Variants in ARHGAP15 observed in about 807,000 individuals in gnomAD.
ARHGAP15 encodes Rho GTPase activating protein 15.
In ARHGAP15, 51 loss-of-function variants were observed where a neutral mutation model predicts 63.7. That is an observed-to-expected ratio of 0.80 (90% CI 0.64 to 1.01). The LOEUF (loss-of-function observed/expected upper bound fraction) is 1.01, where lower values mean the gene tolerates loss of function less well. ARHGAP15 is among the 50% of genes least tolerant of loss of function. The pLI is 0.00. For synonymous variants in ARHGAP15, 191 were observed against 193.8 expected (o/e 0.99, Z 0.12); for missense variants, 560 against 564.6 (o/e 0.99, Z 0.08).
At chr2:143,731,182 G>A (rs1685517809) in intron 13 of ARHGAP15, among the ~76,000 whole-genome samples, 1 of 152,112 alleles carries the variant, frequency 6.6e-6, no homozygotes, top group Admixed American at 6.5e-5. Context: ...CACTTTGCAT[G>A]TTCTATAACC....
At chr2:143,764,447 C>T (rs146558098) in intron 13 of ARHGAP15, among the ~76,000 whole-genome samples, 4 of 152,294 alleles carry the variant, frequency 2.6e-5, no homozygotes, top group African/African-American at 9.6e-5. Context: ...GTTCACTCCC[C>T]CACATTTGGC....
At chr2:143,216,540 T>C in intron 4 of ARHGAP15, 95 bp downstream of exon 4, 1 of 872,060 alleles carries the variant, frequency 1.1e-6, no homozygotes, top group Non-Finnish European at 1.9e-6. Context: ...CAAGTCCCTA[T>C]GGTACCAGAC....
intron 8 of ARHGAP15, among the ~76,000 whole-genome samples, chr2:143,457,705 A>AT (rs1282883210): frequency 5.3e-5 from 8 of 151,658 alleles, no homozygotes; most frequent in Non-Finnish European, 1.0e-4. Context: ...TGCAAAAATT[A>AT]TTTTAAAATG....
At chr2:143,751,971 A>G (rs1460420545) in intron 13 of ARHGAP15, among the ~76,000 whole-genome samples, 4 of 152,310 alleles carry the variant, frequency 2.6e-5, no homozygotes, top group Admixed American at 2.6e-4. Context: ...CTTAGAAGAC[A>G]GTGATTTGAT....
At chr2:143,626,753 G>A (rs541349232) in intron 12 of ARHGAP15, among the ~76,000 whole-genome samples, 4 of 152,208 alleles carry the variant, frequency 2.6e-5, no homozygotes, top group East Asian at 1.9e-4. Context: ...GCTACAGAGC[G>A]CTGATTGGTG....
chr2:143,685,269 G>A (rs186039659), intron 12 of ARHGAP15, among the ~76,000 whole-genome samples: 132 of 152,330 alleles, frequency 8.7e-4, no homozygotes, highest in Admixed American at 8.6e-3. Flanking sequence ...GCTCCTCTGA[G>A]TAAGTTGGTT....
chr2:143,541,863 C>A (rs939735346), intron 10 of ARHGAP15, among the ~76,000 whole-genome samples: 4 of 152,242 alleles, frequency 2.6e-5, no homozygotes, highest in African/African-American at 9.6e-5. Flanking sequence ...GTTCTCAGAT[C>A]TCAAGCTGTT....
At chr2:143,131,381 A>C (rs1348019729) in intron 1 of ARHGAP15, among the ~76,000 whole-genome samples, 1 of 152,212 alleles carries the variant, frequency 6.6e-6, no homozygotes, top group South Asian at 2.1e-4. Context: ...AATACGGAAG[A>C]TTTTATTTGG....
intron 12 of ARHGAP15, among the ~76,000 whole-genome samples, chr2:143,644,654 T>C (rs569324431): frequency 6.6e-6 from 1 of 152,234 alleles, no homozygotes; most frequent in South Asian, 2.1e-4. Context: ...ACTGGAACGT[T>C]GAATAGCCAG....
chr2:143,321,980 C>T (rs920443154), intron 6 of ARHGAP15, among the ~76,000 whole-genome samples: 5 of 152,178 alleles, frequency 3.3e-5, no homozygotes, highest in African/African-American at 7.2e-5. Flanking sequence ...TGATAACCTC[C>T]GTAAGTAGAT....
At position 143,169,806 on chromosome 2, in the gene ARHGAP15, C is replaced by T. The variant is rs183081574; in HGVS notation, c.165+14151C>T. Among the ~76,000 whole-genome samples, 88 of 151,066 alleles carry T rather than the reference C, an allele frequency of 5.8e-4. 2 individuals carry two copies. The highest frequency in any genetic ancestry group is 2.5e-3 in the Admixed American group (37 of 15,076). ...AATCAGAACTATCAGTGGCCAGTGT[C>T]GTAGAGGTAGTAATGCTTTTGTTTG... On this transcript the variant is annotated intron_variant, in intron 2 of 13. Coordinates refer to ENST00000295095, the MANE Select transcript of ARHGAP15 (RefSeq NM_018460.4).
intron 2 of ARHGAP15, among the ~76,000 whole-genome samples, chr2:143,168,112 A>T (rs1690621182): frequency 6.6e-6 from 1 of 152,138 alleles, no homozygotes; most frequent in Non-Finnish European, 1.5e-5. Context: ...TACATAGCTA[A>T]ACAGGAATTT....
chr2:143,658,832 G>A (rs904537738), intron 12 of ARHGAP15, among the ~76,000 whole-genome samples: 2 of 152,104 alleles, frequency 1.3e-5, no homozygotes, highest in East Asian at 1.9e-4. Context: ...CTTCTATCAC[G>A]TGCCCATTTC....
intron 2 of ARHGAP15, among the ~76,000 whole-genome samples, chr2:143,201,295 A>T (rs7581335): frequency 0.17 from 25,416 of 150,320 alleles, 2,286 homozygotes; most frequent in Middle Eastern, 0.24. Context: ...TTAAAAAAAA[A>T]TTTTTTTTGT....
chr2:143,342,156 A>ATTATG (rs1685085865), intron 6 of ARHGAP15, among the ~76,000 whole-genome samples: 1 of 152,102 alleles, frequency 6.6e-6, no homozygotes, highest in Non-Finnish European at 1.5e-5. Context: ...ATGATAGAAA[A>ATTATG]TTATGATGAT....
rs35554349 is a variant in ARHGAP15 at position 143,686,383 on chromosome 2, C to CAA, written c.1139-17004_1139-17003dup. On this transcript the variant is annotated intron_variant, in intron 12 of 13. Coordinates refer to ENST00000295095, the MANE Select transcript of ARHGAP15 (RefSeq NM_018460.4). ...TGGGTGACAGAGCGAGACTCTGTCT[C>CAA]AAAAAAAAAAAAAAAAAAAAAAAAA... Among the ~76,000 whole-genome samples, 289 of 55,084 alleles carry CAA rather than the reference C, an allele frequency of 5.2e-3. 14 individuals carry two copies. The highest frequency in any genetic ancestry group is 0.02 in the Middle Eastern group (1 of 50). 36.1% of individuals were successfully genotyped at this position (55,084 alleles called of 152,430 possible).
At chr2:143,307,382 A>G (rs1222178681) in intron 6 of ARHGAP15, among the ~76,000 whole-genome samples, 1 of 152,140 alleles carries the variant, frequency 6.6e-6, no homozygotes, top group African/African-American at 2.4e-5. Context: ...ATAATTTTGG[A>G]TACCATATTA....
chr2:143,703,609 G>A, intron 13 of ARHGAP15, 85 bp downstream of exon 13: 1 of 1,012,260 alleles, frequency 9.9e-7, no homozygotes, highest in South Asian at 1.6e-5. Flanking sequence ...TAAGGCAAGA[G>A]TTTCCAAATG....
In ARHGAP15 at chr2:143,438,503, T is replaced by G. The variant is rs1217385632; in HGVS notation, c.703+1461T>G. On this transcript the variant is annotated intron_variant, in intron 8 of 13. Coordinates refer to ENST00000295095, the MANE Select transcript of ARHGAP15 (RefSeq NM_018460.4). ...AAGAGTAGAAGCACCCTTTTGAAAT[T>G]AAGTCTTTATGCAAAATCCCATGCC... Among the ~76,000 whole-genome samples, 3 of 152,290 alleles carry G rather than the reference T, an allele frequency of 2.0e-5. No homozygotes were observed. In the South Asian group the frequency reaches 6.2e-4, roughly 32 times the overall value.
Sources: gnomAD v4.1 joint callset for allele counts (sites outside exome capture counted in the v4.1 genomes callset) on GRCh38, gnomAD v4.1.1 for gene constraint, MANE v1.5 for transcripts, NCBI Gene and HGNC (gene_info 2026-07-23, HGNC 2026-07-21) for gene names.